Variants in PIK3C2G observed in about 807,000 individuals in gnomAD.
PIK3C2G encodes the protein phosphatidylinositol-4-phosphate 3-kinase catalytic subunit type 2 gamma, also known as phosphatidylinositol 3-kinase C2 domain-containing subunit gamma.
Under a neutral mutation model 181.1 loss-of-function variants are expected in PIK3C2G, and 168 were observed. That is an observed-to-expected ratio of 0.93 (90% CI 0.82 to 1.05). PIK3C2G has a LOEUF of 1.05. Ranked by LOEUF, PIK3C2G falls within the 50% of genes least tolerant of loss-of-function variation. PIK3C2G has a pLI of 0.00. For missense variants in PIK3C2G, 1,869 were observed against 1,732.8 expected (o/e 1.08, Z -1.40); for synonymous variants, 573 against 592.2 (o/e 0.97, Z 0.47).
At chr12:18,243,646 C>A (rs905583949), upstream of PIK3C2G, among the ~76,000 whole-genome samples, 3 of 151,894 alleles carry the variant, frequency 2.0e-5, no homozygotes, top group Non-Finnish European at 4.4e-5. Context: ...TGTTATGGAG[C>A]CATCAATTTA....
At chr12:18,537,226 G>A (rs1042509252) in intron 24 of PIK3C2G, among the ~76,000 whole-genome samples, 1 of 151,974 alleles carries the variant, frequency 6.6e-6, no homozygotes, top group African/African-American at 2.4e-5. Context: ...AAACAATTAT[G>A]TTTTATTATT....
chr12:18,590,694 T>A (rs559569082), intron 29 of PIK3C2G, among the ~76,000 whole-genome samples: 1 of 152,072 alleles, frequency 6.6e-6, no homozygotes, highest in African/African-American at 2.4e-5. Flanking sequence ...CAAAGTCAAG[T>A]CTCAGAAAAT....
At chr12:18,578,720 T>C (rs1463513199) in intron 29 of PIK3C2G, among the ~76,000 whole-genome samples, 2 of 152,194 alleles carry the variant, frequency 1.3e-5, no homozygotes, top group Non-Finnish European at 2.9e-5. Context: ...AACATAGTTA[T>C]ATCTACATAA....
intron 18 of PIK3C2G, among the ~76,000 whole-genome samples, chr12:18,441,120 G>C (rs1946724749): frequency 6.6e-6 from 1 of 152,100 alleles, no homozygotes; most frequent in South Asian, 2.1e-4. Flanking sequence ...ATGGAATTCT[G>C]TAACACTATA....
chr12:18,325,269 G>A (rs929925017), intron 8 of PIK3C2G, among the ~76,000 whole-genome samples, 171 bp downstream of exon 8: 1 of 152,186 alleles, frequency 6.6e-6, no homozygotes, highest in African/African-American at 2.4e-5. Context: ...AAAGGCATAT[G>A]CAGTAAAGTG....
At chr12:18,620,915 G>C (rs1948832612) in intron 31 of PIK3C2G, among the ~76,000 whole-genome samples, 1 of 151,998 alleles carries the variant, frequency 6.6e-6, no homozygotes, top group Non-Finnish European at 1.5e-5. Context: ...GATAAAAACT[G>C]TTTAGTGGTA....
chr12:18,666,160 GA>G, the PIK3C2G span, among the ~76,000 whole-genome samples: 9 of 151,156 alleles, frequency 6.0e-5, no homozygotes, highest in African/African-American at 9.7e-5. Flanking sequence ...TAACACAAAA[GA>G]AAAAAATTAT....
At chr12:18,700,198 C>T in the PIK3C2G span, among the ~76,000 whole-genome samples, 2 of 151,908 alleles carry the variant, frequency 1.3e-5, no homozygotes, top group Non-Finnish European at 2.9e-5. Flanking sequence ...ACAATTATTA[C>T]TATTTATTTT....
chr12:18,494,072 C>T (rs1358150063), intron 20 of PIK3C2G, among the ~76,000 whole-genome samples: 1 of 152,186 alleles, frequency 6.6e-6, no homozygotes, highest in Non-Finnish European at 1.5e-5. Context: ...TTAATGTGTG[C>T]TTCTCAAGGA....
At chr12:18,701,211 C>G in the PIK3C2G span, among the ~76,000 whole-genome samples, 1 of 152,050 alleles carries the variant, frequency 6.6e-6, no homozygotes, top group Non-Finnish European at 1.5e-5. Flanking sequence ...TCTCAAACTC[C>G]TGACTTCATG....
In PIK3C2G at chr12:18,633,578, T is replaced by C. The variant is rs542271458; in HGVS notation, c.4183-6851T>C. On this transcript the variant is annotated intron_variant, in intron 31 of 32. Coordinates refer to ENST00000538779, the MANE Select transcript of PIK3C2G (RefSeq NM_001288772.2). ...GGTCGTTGTAGTATTCTGTTGACCT[T>C]AATTGCAGGGCATGGTAATACTAAG... Among the ~76,000 whole-genome samples, 4 of 152,314 alleles carry C rather than the reference T, an allele frequency of 2.6e-5. No individual in the cohort carries two copies. The South Asian group carries it at 6.2e-4, about 24-fold the overall frequency.
intron 30 of PIK3C2G, among the ~76,000 whole-genome samples, chr12:18,602,297 A>T (rs921664057): frequency 6.6e-6 from 1 of 151,852 alleles, no homozygotes; most frequent in Non-Finnish European, 1.5e-5. Context: ...GACTTAGTTG[A>T]GGCAGCCATA....
chr12:18,325,138 GT>G, intron 8 of PIK3C2G, 40 bp downstream of exon 8: 1 of 1,133,376 alleles, frequency 8.8e-7, no homozygotes, highest in South Asian at 1.4e-5. Flanking sequence ...TTCAGTAAGC[GT>G]TTTTAACGCA....
chr12:18,399,918 A>G, intron 16 of PIK3C2G, 71 bp downstream of exon 16: 1 of 868,916 alleles, frequency 1.2e-6, no homozygotes, highest in Non-Finnish European at 1.6e-6. Context: ...ATAGAACCAT[A>G]TAATTAATTC....
chr12:18,597,229 ATAGAGT>A (rs1947415230), intron 30 of PIK3C2G, among the ~76,000 whole-genome samples: 1 of 152,080 alleles, frequency 6.6e-6, no homozygotes, highest in Non-Finnish European at 1.5e-5. Flanking sequence ...GGTAGATGAA[ATAGAGT>A]TAGAAAGATT....
the PIK3C2G span, among the ~76,000 whole-genome samples, chr12:18,662,502 A>T: frequency 6.6e-6 from 1 of 151,754 alleles, no homozygotes; most frequent in Non-Finnish European, 1.5e-5. Context: ...TACACAGTTT[A>T]AAAAAAAGGC....
chr12:18,717,786 C>T, the PIK3C2G span, among the ~76,000 whole-genome samples: 4 of 152,112 alleles, frequency 2.6e-5, no homozygotes, highest in Non-Finnish European at 5.9e-5. Context: ...GTTGGCTATA[C>T]CTCCTAAAAT....
In PIK3C2G at chr12:18,322,916, G is replaced by A. The variant is rs533938412; in HGVS notation, c.1208+1884G>A. Among the ~76,000 whole-genome samples the A allele has an allele frequency of 2.6e-5, 4 of 152,232 alleles. No individual in the cohort carries two copies. In the East Asian group the frequency reaches 7.7e-4, roughly 29 times the overall value. On this transcript the variant is annotated intron_variant, in intron 7 of 32. Coordinates refer to ENST00000538779, the MANE Select transcript of PIK3C2G (RefSeq NM_001288772.2). ...CCTTTCTCCAAAATAAATCTACCCAGGGGTGGGGGGAACAGAGAGAAAGGG... is the reference window on the plus strand; with the variant it reads ...CCTTTCTCCAAAATAAATCTACCCAAGGGTGGGGGGAACAGAGAGAAAGGG...
intron 14 of PIK3C2G, among the ~76,000 whole-genome samples, chr12:18,383,859 A>C (rs1288844875): frequency 6.6e-6 from 1 of 151,890 alleles, no homozygotes; most frequent in Non-Finnish European, 1.5e-5. Flanking sequence ...GCTGGAGTGT[A>C]ATGGAATAAA....
Sources: gnomAD v4.1 joint callset for allele counts (sites outside exome capture counted in the v4.1 genomes callset) on GRCh38, gnomAD v4.1.1 for gene constraint, MANE v1.5 for transcripts, NCBI Gene and HGNC (gene_info 2026-07-23, HGNC 2026-07-21) for gene names.